The following SCAPER variants were observed in gnomAD, a reference collection of about 807,000 sequenced individuals.
SCAPER encodes S phase cyclin A-associated protein in the endoplasmic reticulum.
Under a neutral mutation model 182.2 loss-of-function variants are expected in SCAPER, and 98 were observed. The observed-to-expected ratio is 0.54, with a 90% CI of 0.46 to 0.64. The LOEUF is 0.64. SCAPER is among the 30% of genes least tolerant of loss of function. SCAPER has a pLI of 0.00. For synonymous variants in SCAPER, 605 were observed against 564.6 expected (o/e 1.07, Z -1.01); for missense variants, 1,432 against 1,690.0 (o/e 0.85, Z 2.68).
intron 5 of SCAPER, among the ~76,000 whole-genome samples, chr15:76,809,884 G>GATA (rs2066459807): frequency 1.3e-5 from 2 of 152,060 alleles, no homozygotes; most frequent in South Asian, 4.1e-4. Context: ...CACACACAGG[G>GATA]GCCCCCATAA....
At chr15:76,703,905 A>G (rs1262486943) in intron 18 of SCAPER, among the ~76,000 whole-genome samples, 1 of 152,156 alleles carries the variant, frequency 6.6e-6, no homozygotes, top group Non-Finnish European at 1.5e-5. Flanking sequence ...GGACTATACA[A>G]ATAGTAAAAT....
rs913908024 is a variant in SCAPER, at chr15:76,900,237, A to C, written c.-60+5062T>G. Among the ~76,000 whole-genome samples, 228 of 151,836 alleles carry C rather than the reference A, an allele frequency of 1.5e-3. 1 individual carries two copies. The highest frequency in any genetic ancestry group is 2.5e-3 in the Non-Finnish European group (171 of 67,958). ...AGGGACCTCTGCCTAGGAAAACCAG[A>C]GACCTTTGTTCTCGTGTTTATCTGC... is the stretch of plus-strand genomic sequence containing the variant. On this transcript the variant is annotated intron_variant, in intron 1 of 31. Transcript: ENST00000563290.
At chr15:76,676,840 C>G (rs946326387) in intron 20 of SCAPER, among the ~76,000 whole-genome samples, 2 of 150,890 alleles carry the variant, frequency 1.3e-5, no homozygotes, top group Non-Finnish European at 3.0e-5. Context: ...ATACAGCAGG[C>G]ATTACTTTGT....
intron 2 of SCAPER, among the ~76,000 whole-genome samples, chr15:76,870,833 A>G (rs1212371194): frequency 2.6e-5 from 4 of 152,174 alleles, no homozygotes; most frequent in African/African-American, 9.6e-5. Context: ...AAAACTAACA[A>G]AAGATCATAC....
rs529875964 is a variant in SCAPER at position 76,502,559 on chromosome 15, C to T, written c.2954+2300G>A. 2.0e-5 allele frequency among the ~76,000 whole-genome samples: 3 copies of T among 151,480 alleles called. No individual in the cohort carries two copies. The South Asian group carries it at 6.3e-4, about 32-fold the overall frequency. ...GACACAGGGTGGGGAACATCACACA[C>T]CGGGGCCTGTCGTGGGGTGGGAGGA... On this transcript the variant is annotated intron_variant, in intron 24 of 31. Coordinates refer to ENST00000563290, the MANE Select transcript of SCAPER (RefSeq NM_020843.4).
At chr15:76,391,493 G>T (rs944042456) in intron 27 of SCAPER, among the ~76,000 whole-genome samples, 3 of 152,276 alleles carry the variant, frequency 2.0e-5, no homozygotes, top group South Asian at 2.1e-4. Context: ...ATTTGCCAAA[G>T]AAATAGAAGG....
chr15:76,721,200 T>G (rs528546847), intron 17 of SCAPER, among the ~76,000 whole-genome samples: 1 of 152,348 alleles, frequency 6.6e-6, no homozygotes, highest in Non-Finnish European at 1.5e-5. Flanking sequence ...CCCCATTGCT[T>G]CTTTTTCTCA....
At chr15:76,388,406 T>G (rs1317901198) in intron 27 of SCAPER, among the ~76,000 whole-genome samples, 1 of 151,496 alleles carries the variant, frequency 6.6e-6, no homozygotes, top group African/African-American at 2.4e-5. Flanking sequence ...CAGTGAGCTA[T>G]CATCGCCTCA....
chr15:76,863,373 C>A (rs2072028460), intron 2 of SCAPER, among the ~76,000 whole-genome samples: 1 of 152,176 alleles, frequency 6.6e-6, no homozygotes, highest in Non-Finnish European at 1.5e-5. Context: ...ACCACTGGGC[C>A]AGCCCAAAAT....
intron 8 of SCAPER, chr15:76,793,238 A>G: frequency 9.0e-7 from 1 of 1,109,712 alleles, no homozygotes. Context: ...TACACCTGTG[A>G]TATTGCAAAA....
intron 16 of SCAPER, among the ~76,000 whole-genome samples, chr15:76,731,447 G>T (rs575353200): frequency 6.6e-6 from 1 of 152,260 alleles, no homozygotes; most frequent in East Asian, 1.9e-4. Context: ...GGCAGCACTT[G>T]GTATTTTACT....
chr15:76,657,586 AAC>A (rs1468476602), intron 21 of SCAPER, among the ~76,000 whole-genome samples: 2 of 74,008 alleles, frequency 2.7e-5, no homozygotes, highest in Admixed American at 3.6e-4. Flanking sequence ...GAGACACAAC[AAC>A]AAAAAAAAAA....
intron 21 of SCAPER, among the ~76,000 whole-genome samples, chr15:76,654,393 G>GCGAGACTC (rs968884714): frequency 1.3e-5 from 2 of 152,108 alleles, no homozygotes; most frequent in African/African-American, 4.8e-5. Flanking sequence ...GGGTGACAGA[G>GCGAGACTC]CGAGACTCCG....
chr15:76,652,299 T>C lies in SCAPER; in HGVS notation c.2645+13354A>G, dbSNP rs1210122040. ...ATATATATATATATATATATATATA[T>C]ATATATATATACACACACACACACA... On this transcript the variant is annotated intron_variant, in intron 21 of 31. Coordinates refer to ENST00000563290, the MANE Select transcript of SCAPER (RefSeq NM_020843.4). Among the ~76,000 whole-genome samples, 62 of 28,764 alleles carry C rather than the reference T, an allele frequency of 2.2e-3. 2 individuals are homozygous for C. The highest frequency in any genetic ancestry group is 8.7e-3 in the African/African-American group (46 of 5,284). The allele number at this position is 28,764 out of a possible 152,430, so 18.9% of individuals were successfully genotyped here. A position where few individuals can be genotyped will look rare whatever the true frequency, so the allele number is the denominator to read the frequency against.
At chr15:76,645,319 T>C (rs995137840) in intron 21 of SCAPER, among the ~76,000 whole-genome samples, 3 of 152,164 alleles carry the variant, frequency 2.0e-5, no homozygotes, top group Non-Finnish European at 4.4e-5. Flanking sequence ...CGTAAGCATA[T>C]GCCCATTTTA....
chr15:76,616,590 C>T (rs1567610094), intron 22 of SCAPER, among the ~76,000 whole-genome samples: 1 of 152,004 alleles, frequency 6.6e-6, no homozygotes, highest in African/African-American at 2.4e-5. Context: ...TATCATTAAA[C>T]TGTATTAATA....
intron 25 of SCAPER, among the ~76,000 whole-genome samples, chr15:76,458,884 C>G (rs284895): frequency 0.56 from 85,692 of 151,746 alleles, 25,256 homozygotes; most frequent in African/African-American, 0.74. Flanking sequence ...TATCTCCATA[C>G]GATCAACTTA....
chr15:76,461,340 T>C (rs1360650443), intron 25 of SCAPER, among the ~76,000 whole-genome samples: 1 of 151,966 alleles, frequency 6.6e-6, no homozygotes, highest in Non-Finnish European at 1.5e-5. Flanking sequence ...CTTTTTTTTT[T>C]TTTTTACAAA....
chr15:76,893,858 T>C (rs759207326), intron 1 of SCAPER, among the ~76,000 whole-genome samples: 1 of 151,980 alleles, frequency 6.6e-6, no homozygotes, highest in Non-Finnish European at 1.5e-5. Context: ...TCAAAAAGTA[T>C]CCTGAAACAA....
Sources: allele counts gnomAD v4.1 joint callset (sites outside exome capture counted in the v4.1 genomes callset), GRCh38; gene constraint gnomAD v4.1.1; transcripts MANE v1.5; gene names NCBI Gene and HGNC (gene_info 2026-07-23, HGNC 2026-07-21).